Variants in NDC80 observed in about 807,000 individuals in gnomAD.
The protein encoded by NDC80 is NDC80 kinetochore complex component.
Under a neutral mutation model 89.3 loss-of-function variants are expected in NDC80, and 69 were observed. The ratio of observed to expected loss-of-function variants is 0.77; its 90% CI spans 0.64 to 0.94. NDC80 has a LOEUF of 0.94. Among genes scored for constraint, NDC80 ranks in the 40% least tolerant of loss-of-function variants. The pLI, the probability that NDC80 is intolerant of heterozygous loss-of-function variation, is 0.00. For synonymous variants in NDC80, 243 were observed against 255.6 expected, an observed-to-expected ratio of 0.95 and a Z score of 0.47; for missense variants, 593 against 739.6, an observed-to-expected ratio of 0.80 and a Z score of 2.30.
At chr18:2,590,347 A>G (rs1303219380) in intron 10 of NDC80, among the ~76,000 whole-genome samples, 185 bp downstream of exon 10, 1 of 152,208 alleles carries the variant, frequency 6.6e-6, no homozygotes, top group Non-Finnish European at 1.5e-5. Flanking sequence ...ACAAGTTTGG[A>G]TGGCTTAAAA....
At chr18:2,586,447 T>C (rs540774631) in intron 7 of NDC80, among the ~76,000 whole-genome samples, 1 of 152,250 alleles carries the variant, frequency 6.6e-6, no homozygotes. Flanking sequence ...ATTAAATGTC[T>C]TGCCAGACAC....
intron 14 of NDC80, among the ~76,000 whole-genome samples, chr18:2,607,953 CATATATACATAGT>C (rs2072721342): frequency 1.1e-5 from 1 of 88,758 alleles, no homozygotes; most frequent in Admixed American, 1.3e-4. Flanking sequence ...TTTTATTTTA[CATATATACATAGT>C]ATATATATAT....
Position 2,587,853 on chromosome 18 carries a change from A to T in NDC80, c.693A>T (p.Lys231Asn). ...AGTTGTTTTTGGACTACACCATAAA[A>T]TGCTATGAGAGTTTTATGAGTGGTG... ...HNKLFLDYTIKCYESFMSGAD... is the reference protein window; with the variant it reads ...HNKLFLDYTINCYESFMSGAD... The change falls in exon 8 of 17, where the codon AAA becomes AAT. Residue 231 changes from lysine to asparagine, a missense_variant. Physicochemically the swap from Lys to Asn is moderately conservative, Grantham distance 94. Transcript: ENST00000261597. 6.2e-7 allele frequency: 1 copy of T among 1,613,702 alleles called. No individual in the cohort carries two copies. The highest frequency in any genetic ancestry group is 8.5e-7 in the Non-Finnish European group (1 of 1,179,658).
chr18:2,595,981 G>C (rs1362201563), intron 11 of NDC80, among the ~76,000 whole-genome samples: 1 of 152,180 alleles, frequency 6.6e-6, no homozygotes, highest in Non-Finnish European at 1.5e-5. Context: ...TGTCACTTAT[G>C]CTAGGCATAG....
chr18:2,613,788 A>C (rs930069566), intron 16 of NDC80, among the ~76,000 whole-genome samples: 3 of 152,216 alleles, frequency 2.0e-5, no homozygotes, highest in East Asian at 1.9e-4. Flanking sequence ...ACGGAAAGAG[A>C]GTGGAAAGAC....
At chr18:2,584,186 G>T (rs926063858) in intron 6 of NDC80, among the ~76,000 whole-genome samples, 28 of 151,566 alleles carry the variant, frequency 1.8e-4, no homozygotes, top group Non-Finnish European at 1.0e-4. Flanking sequence ...TACTCCAGAG[G>T]GGGAGACAGG....
At chr18:2,614,489 A>G (rs1335527675) in intron 16 of NDC80, 1 of 1,820 alleles carries the variant, frequency 5.5e-4, no homozygotes, top group African/African-American at 3.7e-3. Flanking sequence ...GAAAGGAAGG[A>G]AGGAAGGAAG....
In NDC80 at chr18:2,577,819, C is replaced by G; in HGVS notation, c.253C>G (p.Pro85Ala). Residue 85 changes from proline to alanine, a missense_variant, in exon 4 of 17, where the codon CCA (proline) becomes GCA (alanine). Transcript: ENST00000261597. ...SSSEKIKDPR[P>A]LNDKAFIQQC... is the part of the protein sequence containing the mutation. ...TTCTGAGAAAATCAAGGACCCGAGACCACTTAATGACAAAGCATTCATTCA... is the reference window on the plus strand; with the variant it reads ...TTCTGAGAAAATCAAGGACCCGAGAGCACTTAATGACAAAGCATTCATTCA... 1 of 1,614,080 alleles carries G rather than the reference C, an allele frequency of 6.2e-7. No homozygotes were observed. The highest frequency in any genetic ancestry group is 8.5e-7 in the Non-Finnish European group (1 of 1,179,986).
Position 2,575,075 on chromosome 18 carries a change from AT to A in NDC80, c.179+14del. 6.3e-7 allele frequency: 1 copy of A among 1,585,338 alleles called. No homozygotes were observed. Among genetic ancestry groups the A allele is most frequent in the African/African-American group, 1.3e-5 (1 of 74,280 alleles). ...TCGCTATTTGGCAAAAGGTAATTAT[AT>A]TTTTCATTAGCTCTAATAAAGGGAT... On this transcript the variant is annotated intron_variant, in intron 3 of 16. Coordinates refer to ENST00000261597, the MANE Select transcript of NDC80 (RefSeq NM_006101.3).
intron 16 of NDC80, among the ~76,000 whole-genome samples, chr18:2,612,627 G>T (rs1321708984): frequency 6.6e-6 from 1 of 152,082 alleles, no homozygotes; most frequent in Non-Finnish European, 1.5e-5. Context: ...TCTGTCCTTT[G>T]TTAATTCAGT....
Position 2,579,027 on chromosome 18 carries a change from A to G in NDC80, c.577A>G (p.Lys193Glu), listed in dbSNP as rs761201028. ...CTTAGTTTGGCTAATAGACTGCATC[A>G]AGGTATTTGATTTGTTCTTTTGAAA... ...AALVWLIDCI[K>E]IHTAMKESSP... is the part of the protein sequence containing the mutation. Residue 193 changes from lysine to glutamate, a missense_variant and splice_region_variant, in exon 6 of 17, where the codon AAG becomes GAG. Coordinates refer to ENST00000261597, the MANE Select transcript of NDC80 (RefSeq NM_006101.3). 6.6e-6 allele frequency: 10 copies of G among 1,522,260 alleles called. No individual in the cohort carries two copies. In the South Asian group the frequency reaches 1.3e-4, roughly 20 times the overall value. The allele number at this position is 1,522,260 out of a possible 1,614,324, so 94.3% of individuals were successfully genotyped here.
intron 11 of NDC80, 44 bp downstream of exon 11, chr18:2,595,665 CT>C: frequency 6.4e-7 from 1 of 1,556,488 alleles, no homozygotes; most frequent in Non-Finnish European, 8.8e-7. Flanking sequence ...CATAGCTGAC[CT>C]TTCTGAAGGT....
rs71365186 is a variant in NDC80, at chr18:2,580,731, A to ATTTTTTTTTTTTTTTTTT, written c.579+1714_579+1731dup. The stretch of plus-strand genomic sequence containing the variant: ...ACTACTTTTTTGGTCTCACCATCAG[A>ATTTTTTTTTTTTTTTTTT]TTTTTTTTTTTTTTTTTTTTTTTTT... On this transcript the variant is annotated intron_variant, in intron 6 of 16. Coordinates refer to ENST00000261597, the MANE Select transcript of NDC80 (RefSeq NM_006101.3). Among the ~76,000 whole-genome samples the ATTTTTTTTTTTTTTTTTT allele has an allele frequency of 1.9e-3, 104 of 55,452 alleles. 27 individuals carry two copies. Among genetic ancestry groups the ATTTTTTTTTTTTTTTTTT allele is most frequent in the East Asian group, 7.3e-3 (8 of 1,090 alleles). The allele number at this position is 55,452 out of a possible 152,430, so 36.4% of individuals were successfully genotyped here.
intron 16 of NDC80, among the ~76,000 whole-genome samples, chr18:2,611,378 G>A (rs1208366734): frequency 1.3e-5 from 2 of 152,100 alleles, no homozygotes; most frequent in Non-Finnish European, 2.9e-5. Flanking sequence ...GTAATCTATT[G>A]TATTTGCATA....
At chr18:2,609,997 T>G (rs1355836151) in intron 15 of NDC80, among the ~76,000 whole-genome samples, 1 of 152,208 alleles carries the variant, frequency 6.6e-6, no homozygotes. Flanking sequence ...TAGAAGTACT[T>G]TATAATCAAA....
chr18:2,580,731 A>ATTTTTTTTTTTTTTTTTTTTTTTTTTTTT lies in NDC80; in HGVS notation c.579+1703_579+1731dup, dbSNP rs71365186. Among the ~76,000 whole-genome samples, 10 of 55,452 alleles carry ATTTTTTTTTTTTTTTTTTTTTTTTTTTTT rather than the reference A, an allele frequency of 1.8e-4. 2 individuals are homozygous for ATTTTTTTTTTTTTTTTTTTTTTTTTTTTT. Among genetic ancestry groups the ATTTTTTTTTTTTTTTTTTTTTTTTTTTTT allele is most frequent in the East Asian group, 1.8e-3 (2 of 1,090 alleles). 36.4% of individuals were successfully genotyped at this position (55,452 alleles called of 152,430 possible). A position where few individuals can be genotyped will look rare whatever the true frequency, so the allele number is the denominator to read the frequency against. On this transcript the variant is annotated intron_variant, in intron 6 of 16. Coordinates refer to ENST00000261597, the MANE Select transcript of NDC80 (RefSeq NM_006101.3). ...ACTACTTTTTTGGTCTCACCATCAG[A>ATTTTTTTTTTTTTTTTTTTTTTTTTTTTT]TTTTTTTTTTTTTTTTTTTTTTTTT... is the stretch of plus-strand genomic sequence containing the variant.
intron 7 of NDC80, among the ~76,000 whole-genome samples, chr18:2,587,395 T>A (rs1192512192): frequency 6.6e-6 from 1 of 152,250 alleles, no homozygotes; most frequent in Non-Finnish European, 1.5e-5. Flanking sequence ...TAATTACATT[T>A]GGGTTTTTAC....
intron 12 of NDC80, among the ~76,000 whole-genome samples, chr18:2,600,484 C>CG: frequency 6.6e-6 from 1 of 152,048 alleles, no homozygotes; most frequent in East Asian, 1.9e-4. Flanking sequence ...TGGTGCACAC[C>CG]TGTAGTCCCA....
intron 11 of NDC80, 50 bp from the exon 12 acceptor site, chr18:2,598,969 C>T (rs984680217): frequency 2.2e-5 from 31 of 1,425,990 alleles, no homozygotes; most frequent in Non-Finnish European, 2.6e-5. Flanking sequence ...TTGAAAAAAA[C>T]ATATGGAATG....
Sources: allele counts gnomAD v4.1 joint callset (sites outside exome capture counted in the v4.1 genomes callset), GRCh38; gene constraint gnomAD v4.1.1; transcripts MANE v1.5; gene names NCBI Gene and HGNC (gene_info 2026-07-23, HGNC 2026-07-21).